The following SYT14 variants were observed in gnomAD, a reference collection of about 807,000 sequenced individuals.
SYT14 encodes the protein synaptotagmin 14.
Under a neutral mutation model 74.2 loss-of-function variants are expected in SYT14, and 32 were observed. That is an observed-to-expected ratio of 0.43 (90% CI 0.33 to 0.58). The LOEUF (loss-of-function observed/expected upper bound fraction) is 0.58. Among genes scored for constraint, SYT14 ranks in the 20% least tolerant of loss-of-function variants. SYT14 has a pLI of 0.05. For synonymous variants in SYT14, 298 were observed against 337.7 expected (o/e 0.88, Z 1.29); for missense variants, 791 against 981.8 (o/e 0.81, Z 2.60).
chr1:209,987,715 G>A (rs7539030), intron 2 of SYT14, among the ~76,000 whole-genome samples: 81,806 of 151,620 alleles, frequency 0.54, 23,235 homozygotes, highest in African/African-American at 0.72. Context: ...TTCACCTTTT[G>A]CTTTTCAAAG....
chr1:210,031,134 C>T (rs1465979636), intron 5 of SYT14, among the ~76,000 whole-genome samples: 2 of 146,614 alleles, frequency 1.4e-5, no homozygotes, highest in South Asian at 2.2e-4. Flanking sequence ...GGTTTCTCCA[C>T]GTTGCCCAGG....
At chr1:210,013,679 T>G (rs1325956617) in exon 3 of SYT14, 1 of 1,613,130 alleles carries the variant, frequency 6.2e-7, no homozygotes, top group Non-Finnish European at 8.5e-7. Flanking sequence ...GGGTGTTTAT[T>G]ATCTTGATGC....
chr1:209,975,067 C>G (rs951383355), intron 2 of SYT14, among the ~76,000 whole-genome samples: 7 of 152,116 alleles, frequency 4.6e-5, no homozygotes, highest in Non-Finnish European at 1.0e-4. Context: ...GATTTTGTAT[C>G]CTGAGACTTT....
At chr1:210,008,457 G>A (rs868569684) in intron 2 of SYT14, among the ~76,000 whole-genome samples, 4 of 152,092 alleles carry the variant, frequency 2.6e-5, no homozygotes, top group African/African-American at 9.6e-5. Flanking sequence ...TCTGCCTCCT[G>A]GCTTCAGGCA....
chr1:210,076,462 A>G (rs2102463875), intron 5 of SYT14, among the ~76,000 whole-genome samples: 1 of 152,260 alleles, frequency 6.6e-6, no homozygotes, highest in Non-Finnish European at 1.5e-5. Context: ...AGTAACTACT[A>G]CTCATCTACT....
intron 2 of SYT14, among the ~76,000 whole-genome samples, chr1:209,989,590 A>G (rs2079629778): frequency 6.6e-6 from 1 of 152,182 alleles, no homozygotes; most frequent in Non-Finnish European, 1.5e-5. Flanking sequence ...TGGTGATATA[A>G]ATGTAGTTGC....
intron 7 of SYT14, among the ~76,000 whole-genome samples, chr1:210,114,710 A>G (rs2082325731): frequency 6.6e-6 from 1 of 151,210 alleles, no homozygotes; most frequent in Non-Finnish European, 1.5e-5. Context: ...CTTTAGCTCC[A>G]GCCACCTCTT....
At chr1:209,990,549 G>GTATATATATGTA in intron 2 of SYT14, among the ~76,000 whole-genome samples, 21,379 of 56,792 alleles carry the variant, frequency 0.38, 7,469 homozygotes, top group African/African-American at 0.72. Flanking sequence ...GTATATATAT[G>GTATATATATGTA]TATATATATA....
At chr1:210,119,712 T>C (rs538492589) in intron 7 of SYT14, among the ~76,000 whole-genome samples, 20 of 152,346 alleles carry the variant, frequency 1.3e-4, no homozygotes, top group African/African-American at 4.6e-4. Context: ...CTCCTGCAAG[T>C]ACCACGTGTT....
intron 7 of SYT14, among the ~76,000 whole-genome samples, chr1:210,126,921 G>T (rs935493042): frequency 3.3e-5 from 5 of 152,254 alleles, no homozygotes; most frequent in South Asian, 4.1e-4. Context: ...CAATTTAACA[G>T]TTTACTAAAT....
chr1:210,033,005 G>C (rs1414096589), intron 5 of SYT14, among the ~76,000 whole-genome samples: 1 of 151,330 alleles, frequency 6.6e-6, no homozygotes, highest in Non-Finnish European at 1.5e-5. Context: ...TCCAGTTACT[G>C]CTGTCGTACA....
At chr1:209,975,564 A>G (rs2102771450) in intron 2 of SYT14, among the ~76,000 whole-genome samples, 1 of 152,320 alleles carries the variant, frequency 6.6e-6, no homozygotes, top group Admixed American at 6.5e-5. Flanking sequence ...CCACTTGATC[A>G]TGGTGGATAA....
intron 7 of SYT14, among the ~76,000 whole-genome samples, chr1:210,137,714 C>A (rs1303127726): frequency 7.8e-6 from 1 of 127,768 alleles, no homozygotes; most frequent in African/African-American, 2.8e-5. Context: ...GAGTTTTGCT[C>A]TTGTTACCCA....
At chr1:209,945,950 T>C (rs1016480) in intron 1 of SYT14, among the ~76,000 whole-genome samples, 7,721 of 152,306 alleles carry the variant, frequency 0.051, 581 homozygotes, top group African/African-American at 0.16. Flanking sequence ...CTTGTGTCTC[T>C]GTGTCACGTT....
intron 5 of SYT14, among the ~76,000 whole-genome samples, chr1:210,090,837 A>C (rs969217966): frequency 1.6e-4 from 24 of 152,134 alleles, no homozygotes; most frequent in Admixed American, 3.3e-4. Context: ...GTAGAATAAA[A>C]ACAGATTGCA....
At chr1:210,155,616 T>A in intron 7 of SYT14, 105 bp from the exon 7 acceptor site, 5 of 1,238,148 alleles carry the variant, frequency 4.0e-6, no homozygotes, top group Non-Finnish European at 5.7e-6. Flanking sequence ...GCAACTCATC[T>A]TTATTGTGAT....
chr1:210,155,037 C>T (rs1034041559), intron 7 of SYT14, among the ~76,000 whole-genome samples: 2 of 152,080 alleles, frequency 1.3e-5, no homozygotes, highest in Non-Finnish European at 2.9e-5. Flanking sequence ...CTGTGTTTCT[C>T]TTTCTAGTTC....
At chr1:210,123,156 G>A (rs2082501024) in intron 7 of SYT14, among the ~76,000 whole-genome samples, 2 of 152,162 alleles carry the variant, frequency 1.3e-5, no homozygotes, top group Non-Finnish European at 2.9e-5. Context: ...AGTGGATTAG[G>A]CACATATAAT....
intron 7 of SYT14, among the ~76,000 whole-genome samples, chr1:210,136,112 A>G (rs2082779909): frequency 6.6e-6 from 1 of 152,228 alleles, no homozygotes; most frequent in Non-Finnish European, 1.5e-5. Context: ...TGTAGAAAAT[A>G]GGATCCAGAC....
Sources: allele counts gnomAD v4.1 joint callset (sites outside exome capture counted in the v4.1 genomes callset), GRCh38; gene constraint gnomAD v4.1.1; transcripts MANE v1.5; gene names NCBI Gene and HGNC (gene_info 2026-07-23, HGNC 2026-07-21).